RASSF3: variants seen among roughly 807,000 people sequenced by gnomAD.
RASSF3 encodes the protein ras association domain-containing protein 3.
RASSF3 carries 19 observed loss-of-function variants against 19.9 expected under a neutral mutation model. The observed-to-expected ratio is 0.96, with a 90% CI of 0.67 to 1.40. The LOEUF (loss-of-function observed/expected upper bound fraction) is 1.40, where lower values mean the gene tolerates loss of function less well. Ranked by LOEUF, RASSF3 falls within the 40% of genes most tolerant of loss-of-function variation. RASSF3 has a pLI of 0.00. For missense variants in RASSF3, 306 were observed against 289.8 expected (o/e 1.06, Z -0.41); for synonymous variants, 110 against 104.2 (o/e 1.06, Z -0.34).
At chr12:64,634,269 G>C (rs1871255193) in intron 1 of RASSF3, among the ~76,000 whole-genome samples, 3 of 151,480 alleles carry the variant, frequency 2.0e-5, no homozygotes, top group Admixed American at 6.6e-5. Context: ...TTGACACAGA[G>C]GGTCTGCTGC....
At chr12:64,610,042 TG>T (rs905483597), upstream of RASSF3, among the ~76,000 whole-genome samples, 3 of 152,012 alleles carry the variant, frequency 2.0e-5, no homozygotes, top group Non-Finnish European at 4.4e-5. Context: ...CCGTGGGACC[TG>T]GGGGGTCCCT....
chr12:64,571,166 G>A (rs533721964), intron 2 of RASSF3, among the ~76,000 whole-genome samples: 8 of 152,158 alleles, frequency 5.3e-5, no homozygotes, highest in Non-Finnish European at 7.4e-5. Context: ...AGCCGAGATC[G>A]CGCCATTACA....
chr12:64,553,947 A>C (rs1869208224), intron 2 of RASSF3, among the ~76,000 whole-genome samples: 1 of 148,910 alleles, frequency 6.7e-6, no homozygotes, highest in Non-Finnish European at 1.5e-5. Flanking sequence ...ACTGCATTCC[A>C]GCCTGGGTGA....
intron 2 of RASSF3, among the ~76,000 whole-genome samples, chr12:64,686,304 G>T (rs1328672759): frequency 6.6e-6 from 1 of 152,056 alleles, no homozygotes; most frequent in Non-Finnish European, 1.5e-5. Context: ...ATTTTGGGAG[G>T]CTGAGGCGGG....
At chr12:64,550,420 T>A (rs566264530) in intron 2 of RASSF3, among the ~76,000 whole-genome samples, 39 of 152,004 alleles carry the variant, frequency 2.6e-4, no homozygotes, top group African/African-American at 9.4e-4. Flanking sequence ...ATCCTAGCAC[T>A]TTGGGAGGCC....
intron 2 of RASSF3, among the ~76,000 whole-genome samples, chr12:64,547,243 G>A (rs1160572184): frequency 6.7e-6 from 1 of 148,330 alleles, no homozygotes; most frequent in Non-Finnish European, 1.5e-5. Flanking sequence ...GTGTACTCCA[G>A]TCTGTGTGAC....
downstream of RASSF3, among the ~76,000 whole-genome samples, chr12:64,543,478 A>G (rs1337669658): frequency 5.6e-4 from 4 of 7,118 alleles, no homozygotes; most frequent in East Asian, 0.022. Context: ...CCGCCTGCCC[A>G]CCCCCCACTC....
chr12:64,639,718 A>T (rs1871449049), intron 1 of RASSF3, among the ~76,000 whole-genome samples: 1 of 152,190 alleles, frequency 6.6e-6, no homozygotes, highest in Non-Finnish European at 1.5e-5. Context: ...TAGGCTGATA[A>T]TATTGGTTCC....
intron 1 of RASSF3, among the ~76,000 whole-genome samples, chr12:64,633,840 C>T (rs1373572099): frequency 6.6e-6 from 1 of 152,064 alleles, no homozygotes; most frequent in Non-Finnish European, 1.5e-5. Context: ...GACCAAAATG[C>T]TGATAGAAAT....
intron 1 of RASSF3, among the ~76,000 whole-genome samples, chr12:64,669,996 C>T (rs1453392030): frequency 2.7e-5 from 4 of 148,732 alleles, no homozygotes; most frequent in Non-Finnish European, 5.9e-5. Context: ...GTTTAAAAAC[C>T]ACCTTTACTT....
chr12:64,535,615 C>T (rs1384671264), intron 1 of RASSF3, among the ~76,000 whole-genome samples: 5 of 152,094 alleles, frequency 3.3e-5, no homozygotes, highest in African/African-American at 1.2e-4. Flanking sequence ...ATCCTCTCAC[C>T]TTGACCTCCC....
chr12:64,590,424 C>T (rs1869900404), intron 2 of RASSF3, among the ~76,000 whole-genome samples: 1 of 152,052 alleles, frequency 6.6e-6, no homozygotes, highest in Non-Finnish European at 1.5e-5. Context: ...AGCCCATGAA[C>T]CTGACTTTCA....
intron 2 of RASSF3, among the ~76,000 whole-genome samples, chr12:64,573,693 C>T (rs1478271004): frequency 1.3e-5 from 2 of 152,176 alleles, no homozygotes; most frequent in Non-Finnish European, 2.9e-5. Flanking sequence ...TCCAAAGCAG[C>T]CTTCACAACA....
intron 1 of RASSF3, among the ~76,000 whole-genome samples, chr12:64,639,509 A>G (rs997810623): frequency 9.2e-5 from 14 of 152,178 alleles, no homozygotes; most frequent in Non-Finnish European, 1.6e-4. Flanking sequence ...TTTTTAAACC[A>G]TCATGTCTCA....
intron 1 of RASSF3, among the ~76,000 whole-genome samples, chr12:64,512,378 G>A (rs1565829116): frequency 6.6e-6 from 1 of 152,054 alleles, no homozygotes; most frequent in Non-Finnish European, 1.5e-5. Flanking sequence ...AACTACCCAG[G>A]AGGCAGAAGG....
intron 2 of RASSF3, among the ~76,000 whole-genome samples, chr12:64,585,536 G>A (rs1182625573): frequency 6.6e-6 from 1 of 151,644 alleles, no homozygotes; most frequent in African/African-American, 2.4e-5. Context: ...GAAGAGGGGG[G>A]AAAATGAGAA....
At chr12:64,669,766 TC>T (rs1271112430) in intron 1 of RASSF3, among the ~76,000 whole-genome samples, 1 of 150,750 alleles carries the variant, frequency 6.6e-6, no homozygotes, top group African/African-American at 2.4e-5. Flanking sequence ...GGCCCTTTCC[TC>T]CCAGCCTCGG....
intron 2 of RASSF3, among the ~76,000 whole-genome samples, chr12:64,558,486 G>A (rs55734450): frequency 0.089 from 13,558 of 152,210 alleles, 655 homozygotes; most frequent in Middle Eastern, 0.14. Flanking sequence ...TCTGACAGAA[G>A]CCAGTTCATA....
chr12:64,621,284 T>G (rs1028117007), intron 1 of RASSF3, among the ~76,000 whole-genome samples: 1 of 152,222 alleles, frequency 6.6e-6, no homozygotes, highest in Non-Finnish European at 1.5e-5. Flanking sequence ...TACTTCTGAG[T>G]AAATCTCCCT....
Sources: allele counts gnomAD v4.1 joint callset (sites outside exome capture counted in the v4.1 genomes callset), GRCh38; gene constraint gnomAD v4.1.1; transcripts MANE v1.5; gene names NCBI Gene and HGNC (gene_info 2026-07-23, HGNC 2026-07-21).